CEP120: variants seen among roughly 807,000 people sequenced by gnomAD.
The protein encoded by CEP120 is centrosomal protein of 120 kDa.
CEP120 carries 113 observed loss-of-function variants against 126.5 expected under a neutral mutation model. The observed-to-expected ratio is 0.89, with a 90% CI of 0.77 to 1.04. The LOEUF is 1.04. CEP120 is among the 50% of genes least tolerant of loss of function. The pLI is 0.00. For missense variants in CEP120, 1,230 were observed against 1,155.7 expected (o/e 1.06, Z -0.93); for synonymous variants, 400 against 394.3 (o/e 1.01, Z -0.17).
chr5:123,416,105 T>C lies in CEP120; in HGVS notation c.226A>G (p.Lys76Glu), dbSNP rs1311902826. The change falls in exon 3 of 20, where the codon AAA becomes GAA. Residue 76 changes from lysine to glutamate, a missense_variant. Transcript: ENST00000306467. ...GGATCCAAGGCAAAACATTGGAGTT[T>C]GATAGGAGTACGCTGTAGCCTATAA... is the stretch of plus-strand genomic sequence containing the variant. The part of the protein sequence containing the change: ...HQHRLQRTPI[K>E]LQCFALDPVT... The C allele has an allele frequency of 6.2e-7, 1 of 1,612,014 alleles. No individual in the cohort carries two copies. The highest frequency in any genetic ancestry group is 1.7e-5 in the Admixed American group (1 of 60,008).
chr5:123,403,246 C>A, intron 4 of CEP120: 1 of 454,760 alleles, frequency 2.2e-6, no homozygotes, highest in Middle Eastern at 3.3e-4. Flanking sequence ...TTCTAAAAAT[C>A]ATTCTTTACC....
At chr5:123,381,297 T>C (rs1410600867) in intron 14 of CEP120, among the ~76,000 whole-genome samples, 1 of 152,032 alleles carries the variant, frequency 6.6e-6, no homozygotes, top group Non-Finnish European at 1.5e-5. Flanking sequence ...ACTAGCAATC[T>C]TGCTGAGCTG....
chr5:123,388,609 G>A lies in CEP120; in HGVS notation c.1256-3C>T. 1 of 1,560,124 alleles carries A rather than the reference G, an allele frequency of 6.4e-7. No individual in the cohort carries two copies. The highest frequency in any genetic ancestry group is 2.1e-5 in the Admixed American group (1 of 47,640). On this transcript the variant is annotated splice_polypyrimidine_tract_variant and splice_region_variant and intron_variant, in intron 8 of 19. Transcript: ENST00000306467. ...TGAAGCAGGTACAGAAGAACTGGCT[G>A]AAATGAACATAAAATAAAACAAAAT...
intron 4 of CEP120, among the ~76,000 whole-genome samples, chr5:123,405,451 GC>G (rs1293150119): frequency 6.6e-6 from 1 of 152,168 alleles, no homozygotes; most frequent in African/African-American, 2.4e-5. Context: ...AACAAGGCCT[GC>G]CCTCGGAGAA....
chr5:123,423,038 G>T lies in CEP120; in HGVS notation c.-40C>A. On this transcript the variant is annotated 5_prime_UTR_variant, in exon 1 of 20. Transcript: ENST00000306467. ...GTCCGGGGGCGAAGGCGGCTGGGGG[G>T]AAGTGAGGTCCAGTTGAGTCGCGGG... 2.5e-6 allele frequency: 4 copies of T among 1,577,466 alleles called. No homozygotes were observed. The highest frequency in any genetic ancestry group is 3.5e-6 in the Non-Finnish European group (4 of 1,147,372).
At chr5:123,395,193 TA>T (rs1772693113) in intron 5 of CEP120, among the ~76,000 whole-genome samples, 1 of 152,236 alleles carries the variant, frequency 6.6e-6, no homozygotes, top group East Asian at 1.9e-4. Flanking sequence ...AGAAATTCTT[TA>T]AAAATTCTTT....
rs377177390 is a variant in CEP120 at position 123,378,325 on chromosome 5, G to A, written c.2196+11C>T. ...TATGCTGAAAAAAAATACAATGGAC[G>A]AATGACATACCTCTGATTCCACACT... is the stretch of plus-strand genomic sequence containing the variant. On this transcript the variant is annotated intron_variant, in intron 15 of 19. Coordinates refer to ENST00000306467, the MANE Select transcript of CEP120 (RefSeq NM_001375405.1). 9.5e-6 allele frequency: 15 copies of A among 1,574,342 alleles called. No homozygotes were observed. The highest frequency in any genetic ancestry group is 8.4e-5 in the African/African-American group (6 of 71,824).
intron 5 of CEP120, among the ~76,000 whole-genome samples, chr5:123,398,360 T>G (rs1205590669): frequency 2.0e-5 from 3 of 151,992 alleles, no homozygotes; most frequent in African/African-American, 7.3e-5. Context: ...TCTTGCAGAG[T>G]ATGGCAAGAC....
intron 7 of CEP120, 122 bp from the exon 8 acceptor site, chr5:123,390,262 T>C: frequency 1.2e-6 from 1 of 812,302 alleles, no homozygotes. Context: ...ATTCCTAGTC[T>C]ATTTTTCTTC....
intron 16 of CEP120, among the ~76,000 whole-genome samples, 168 bp downstream of exon 16, chr5:123,377,202 ATAGT>A (rs1258963514): frequency 6.6e-6 from 1 of 152,168 alleles, no homozygotes; most frequent in Non-Finnish European, 1.5e-5. Context: ...TTCATACAAA[ATAGT>A]TAGAAAAAGA....
At chr5:123,419,567 CAG>C (rs1371671083) in intron 1 of CEP120, among the ~76,000 whole-genome samples, 1 of 130,490 alleles carries the variant, frequency 7.7e-6, no homozygotes, top group Non-Finnish European at 1.7e-5. Context: ...AAAAAAAAAA[CAG>C]AATACTTTCC....
chr5:123,361,346 C>T (rs1580645000), intron 18 of CEP120, among the ~76,000 whole-genome samples: 1 of 151,760 alleles, frequency 6.6e-6, no homozygotes, highest in South Asian at 2.1e-4. Context: ...TTTCTTACCA[C>T]CCTGCTATAT....
intron 13 of CEP120, 60 bp downstream of exon 13, chr5:123,382,677 G>A: frequency 6.7e-7 from 1 of 1,486,972 alleles, no homozygotes. Flanking sequence ...TTGCTACGGA[G>A]AAGGAAAAAT....
chr5:123,382,313 T>C (rs574030902), intron 13 of CEP120, 113 bp from the exon 14 acceptor site: 70 of 446,246 alleles, frequency 1.6e-4, no homozygotes, highest in Non-Finnish European at 2.5e-4. Context: ...TTTCAGGCAT[T>C]CTTTTTTATT....
chr5:123,408,923 T>C (rs139295830), intron 4 of CEP120, among the ~76,000 whole-genome samples: 127 of 152,238 alleles, frequency 8.3e-4, no homozygotes, highest in Middle Eastern at 3.4e-3. Context: ...AAAAGAATAA[T>C]AGGCCGGGCA....
chr5:123,372,714 T>C lies in CEP120; in HGVS notation c.2417A>G (p.Asp806Gly). Reference sequence around the variant, plus strand: ...GATTTCTGGTTTGTTGTTTTGCTGGTCCTTGAACTGTTGGAACTCTTTTTC... The same window carrying C: ...GATTTCTGGTTTGTTGTTTTGCTGGCCCTTGAACTGTTGGAACTCTTTTTC... ...ILEKEFQQFK[D>G]QQNNKPEIRL... The change falls in exon 17 of 20, where the codon GAC (aspartate) becomes GGC (glycine). Residue 806 changes from aspartate (D) to glycine (G), a missense_variant. Transcript: ENST00000306467. 1 of 1,610,526 alleles carries C rather than the reference T, an allele frequency of 6.2e-7. No individual in the cohort carries two copies. Among genetic ancestry groups the C allele is most frequent in the East Asian group, 2.2e-5 (1 of 44,702 alleles).
intron 10 of CEP120, among the ~76,000 whole-genome samples, chr5:123,385,457 C>T (rs1024842216): frequency 2.6e-5 from 4 of 152,248 alleles, no homozygotes; most frequent in South Asian, 2.1e-4. Context: ...TGTGCAGGTT[C>T]GCAGTCTAGA....
intron 18 of CEP120, among the ~76,000 whole-genome samples, chr5:123,352,015 T>A (rs1481366090): frequency 6.6e-6 from 1 of 152,164 alleles, no homozygotes; most frequent in Non-Finnish European, 1.5e-5. Flanking sequence ...TACATAGTAG[T>A]ATCTCATTGT....
At chr5:123,415,872 A>C (rs866176640) in intron 3 of CEP120, 138 bp downstream of exon 3, 77 of 550,406 alleles carry the variant, frequency 1.4e-4, no homozygotes, top group Middle Eastern at 9.0e-4. Context: ...CGTCTCAAAA[A>C]AAAAAAGAAC....
Sources: gnomAD v4.1 joint callset for allele counts (sites outside exome capture counted in the v4.1 genomes callset) on GRCh38, gnomAD v4.1.1 for gene constraint, MANE v1.5 for transcripts, NCBI Gene and HGNC (gene_info 2026-07-23, HGNC 2026-07-21) for gene names.